The following SGPL1 variants were observed in gnomAD, a reference collection of about 807,000 sequenced individuals.
The protein encoded by SGPL1 is sphingosine-1-phosphate lyase 1.
A neutral mutation model predicts 68.9 loss-of-function variants in SGPL1; 37 were observed. The observed-to-expected ratio is 0.54, with a 90% CI of 0.41 to 0.71. SGPL1 has a LOEUF of 0.71. Ranked by LOEUF, SGPL1 falls within the 30% of genes least tolerant of loss-of-function variation. SGPL1 has a pLI of 0.00. For missense variants in SGPL1, 551 were observed against 704.6 expected (o/e 0.78, Z 2.47); for synonymous variants, 236 against 248.5 (o/e 0.95, Z 0.47).
intron 7 of SGPL1, 93 bp from the exon 8 acceptor site, chr10:70,868,252 T>A: frequency 9.9e-6 from 9 of 904,948 alleles, no homozygotes; most frequent in Non-Finnish European, 1.4e-5. Context: ...CAAGACCTTA[T>A]CTGTTTCTGT....
intron 12 of SGPL1, among the ~76,000 whole-genome samples, chr10:70,874,400 A>G (rs1448326715): frequency 6.6e-6 from 1 of 152,160 alleles, no homozygotes; most frequent in Non-Finnish European, 1.5e-5. Context: ...GGAGCAACAT[A>G]GTGAGACATT....
At chr10:70,838,147 T>A (rs997777602) in intron 2 of SGPL1, among the ~76,000 whole-genome samples, 5 of 152,120 alleles carry the variant, frequency 3.3e-5, no homozygotes, top group African/African-American at 1.2e-4. Flanking sequence ...GGAGAAAGGA[T>A]TGTATTAGTT....
At chr10:70,872,849 A>G (rs143404182) in intron 11 of SGPL1, among the ~76,000 whole-genome samples, 101 of 152,324 alleles carry the variant, frequency 6.6e-4, no homozygotes, top group African/African-American at 2.4e-3. Context: ...CCAGTTACAT[A>G]GTTAATTTTA....
In SGPL1 at chr10:70,816,900, C is replaced by A; in HGVS notation, c.27+20C>A. ...ATGTTGGTGAGCCTTTTGCAGACAT[C>A]CTCCTGGTTCCAAGGCATTTGTCTC... On this transcript the variant is annotated intron_variant, in intron 2 of 14. Transcript: ENST00000373202. 6.2e-7 allele frequency: 1 copy of A among 1,613,064 alleles called. No individual in the cohort carries two copies. The highest frequency in any genetic ancestry group is 8.5e-7 in the Non-Finnish European group (1 of 1,178,996).
intron 6 of SGPL1, among the ~76,000 whole-genome samples, chr10:70,858,208 T>A (rs1265051350): frequency 6.6e-6 from 1 of 152,218 alleles, no homozygotes; most frequent in Non-Finnish European, 1.5e-5. Flanking sequence ...TAATCATGGC[T>A]CACTTCAGCC....
intron 3 of SGPL1, among the ~76,000 whole-genome samples, chr10:70,850,502 C>T (rs748528934): frequency 1.4e-4 from 21 of 152,206 alleles, no homozygotes; most frequent in Non-Finnish European, 2.2e-4. Context: ...ACACGTATAT[C>T]ATTTGACCTA....
At chr10:70,869,416 C>T (rs1419923167) in intron 8 of SGPL1, 1 of 155,944 alleles carries the variant, frequency 6.4e-6, no homozygotes, top group African/African-American at 2.4e-5. Flanking sequence ...TCTTCTCATT[C>T]TCACTGAGGT....
At chr10:70,854,652 T>C in intron 4 of SGPL1, 56 bp from the exon 5 acceptor site, 3 of 1,490,508 alleles carry the variant, frequency 2.0e-6, no homozygotes, top group Non-Finnish European at 2.7e-6. Context: ...ATAATAATTC[T>C]GCTGTCTCTA....
chr10:70,871,256 A>G (rs1846290770), intron 10 of SGPL1, 110 bp downstream of exon 10: 4 of 642,436 alleles, frequency 6.2e-6, no homozygotes, highest in South Asian at 6.2e-5. Context: ...TTTTGACCAC[A>G]GTAGTGATAA....
At chr10:70,831,090 G>A (rs1404003808) in intron 2 of SGPL1, among the ~76,000 whole-genome samples, 1 of 152,134 alleles carries the variant, frequency 6.6e-6, no homozygotes, top group Non-Finnish European at 1.5e-5. Flanking sequence ...ACTTTGCACT[G>A]CTATCAGTTA....
Position 70,851,219 on chromosome 10 carries a change from A to C in SGPL1, c.261+9A>C. ...CCATTATTGGTCGTAAGGTAAGTAG[A>C]ATCTGTGTATGTCATTTTTTCCCCT... On this transcript the variant is annotated intron_variant, in intron 4 of 14. Coordinates refer to ENST00000373202, the MANE Select transcript of SGPL1 (RefSeq NM_003901.4). The C allele has an allele frequency of 3.1e-6, 5 of 1,603,842 alleles. No homozygotes were observed. The highest frequency in any genetic ancestry group is 4.3e-6 in the Non-Finnish European group (5 of 1,170,822).
intron 2 of SGPL1, among the ~76,000 whole-genome samples, chr10:70,820,647 C>T (rs773720808): frequency 2.6e-5 from 4 of 151,790 alleles, no homozygotes; most frequent in Non-Finnish European, 4.4e-5. Context: ...TGGTGGCGTA[C>T]ACTTGTATTC....
chr10:70,834,611 C>T (rs754176508), intron 2 of SGPL1, among the ~76,000 whole-genome samples: 2 of 152,264 alleles, frequency 1.3e-5, no homozygotes, highest in East Asian at 3.9e-4. Context: ...GTTTGCAGTT[C>T]GAAAAGGCCA....
intron 2 of SGPL1, among the ~76,000 whole-genome samples, chr10:70,831,956 G>T (rs908673108): frequency 3.3e-5 from 5 of 152,192 alleles, no homozygotes; most frequent in Non-Finnish European, 5.9e-5. Context: ...AAAGAGGACA[G>T]GAGAAGGTTG....
chr10:70,847,898 C>T (rs141983001), intron 3 of SGPL1, among the ~76,000 whole-genome samples: 3 of 152,334 alleles, frequency 2.0e-5, no homozygotes, highest in African/African-American at 7.2e-5. Context: ...TCTTCCAACA[C>T]TGAATCCCTC....
chr10:70,848,454 C>CTT (rs55860254), intron 3 of SGPL1, among the ~76,000 whole-genome samples: 3,563 of 70,566 alleles, frequency 0.05, 1,200 homozygotes, highest in African/African-American at 0.058. Context: ...ACCTCACGTA[C>CTT]TTTTTTTTTT....
In SGPL1 at chr10:70,861,224, G is replaced by T. The variant is rs536491531; in HGVS notation, c.615+1725G>T. Among the ~76,000 whole-genome samples, 4 of 152,008 alleles carry T rather than the reference G, an allele frequency of 2.6e-5. No homozygotes were observed. In the East Asian group the frequency reaches 7.8e-4, roughly 29 times the overall value. On this transcript the variant is annotated intron_variant, in intron 7 of 14. Coordinates refer to ENST00000373202, the MANE Select transcript of SGPL1 (RefSeq NM_003901.4). ...AAAAAAAAAAGTTAACCAGAATGCA[G>T]TCCAGAGAGACAAAGAAATAGAAGG...
chr10:70,827,022 A>C (rs1174255408), intron 2 of SGPL1, among the ~76,000 whole-genome samples: 1 of 152,206 alleles, frequency 6.6e-6, no homozygotes, highest in Non-Finnish European at 1.5e-5. Flanking sequence ...TCACAAGTGC[A>C]AGAGTTTTTC....
chr10:70,816,674 G>A (rs1161372704), intron 1 of SGPL1, 137 bp from the exon 2 acceptor site: 1 of 718,278 alleles, frequency 1.4e-6, no homozygotes, highest in Non-Finnish European at 2.6e-6. Context: ...GCTAGGGGTG[G>A]ACTGTGATAT....
Sources: allele counts gnomAD v4.1 joint callset (sites outside exome capture counted in the v4.1 genomes callset), GRCh38; gene constraint gnomAD v4.1.1; transcripts MANE v1.5; gene names NCBI Gene and HGNC (gene_info 2026-07-23, HGNC 2026-07-21).